Variants in GLMN observed in about 807,000 individuals in gnomAD.
The protein encoded by GLMN is glomulin, FKBP associated protein, also known as glomulin.
A neutral mutation model predicts 87.8 loss-of-function variants in GLMN; 75 were observed. That is an observed-to-expected ratio of 0.85 (90% CI 0.71 to 1.04). The LOEUF is 1.04. Ranked by LOEUF, GLMN falls within the 50% of genes least tolerant of loss-of-function variation. The pLI is 0.00. For synonymous variants in GLMN, 206 were observed against 221.6 expected, an observed-to-expected ratio of 0.93 and a Z score of 0.63; for missense variants, 588 against 658.8, an observed-to-expected ratio of 0.89 and a Z score of 1.18.
the GLMN span, chr1:92,324,303 G>C: frequency 6.2e-7 from 1 of 1,613,952 alleles, no homozygotes; most frequent in African/African-American, 1.3e-5. Context: ...AGTTAAATCT[G>C]AGGATCAGGG....
the GLMN span, among the ~76,000 whole-genome samples, chr1:92,317,955 A>G: frequency 3.9e-5 from 6 of 152,182 alleles, no homozygotes; most frequent in Non-Finnish European, 7.3e-5. Context: ...AGATCTTGAA[A>G]TAAGAGCTTC....
At chr1:92,257,247 A>G (rs988623998) in intron 16 of GLMN, among the ~76,000 whole-genome samples, 7 of 152,216 alleles carry the variant, frequency 4.6e-5, no homozygotes, top group Non-Finnish European at 1.0e-4. Context: ...CAAAGAAATA[A>G]GAGAGGACAC....
At position 92,297,389 on chromosome 1, in the gene GLMN, C is replaced by T; in HGVS notation, c.165+15G>A. The T allele has an allele frequency of 6.2e-7, 1 of 1,609,290 alleles. No individual in the cohort carries two copies. On this transcript the variant is annotated intron_variant, in intron 3 of 18. Coordinates refer to ENST00000370360, the MANE Select transcript of GLMN (RefSeq NM_053274.3). Reference sequence around the variant, plus strand: ...CTTCCCAAGACTGAAAAGTAAACACCAAGATTGTACGCACCTTATTCTTTT... The same window carrying T: ...CTTCCCAAGACTGAAAAGTAAACACTAAGATTGTACGCACCTTATTCTTTT...
At chr1:92,313,695 C>T in the GLMN span, among the ~76,000 whole-genome samples, 2 of 152,200 alleles carry the variant, frequency 1.3e-5, no homozygotes, top group East Asian at 1.9e-4. Context: ...TTTGATGCCA[C>T]ATATTTACTT....
chr1:92,294,558 A>G (rs1649805219), intron 3 of GLMN, among the ~76,000 whole-genome samples: 1 of 152,246 alleles, frequency 6.6e-6, no homozygotes, highest in Non-Finnish European at 1.5e-5. Flanking sequence ...ACAAAGCAGT[A>G]AATAGTAAAT....
At chr1:92,248,154 C>T in intron 16 of GLMN, 165 bp from the exon 17 acceptor site, 1 of 573,792 alleles carries the variant, frequency 1.7e-6, no homozygotes. Context: ...ATGTGAATAC[C>T]AATTAAAAGA....
chr1:92,324,071 G>A, the GLMN span: 1 of 1,614,060 alleles, frequency 6.2e-7, no homozygotes, highest in Admixed American at 1.7e-5. Flanking sequence ...GAAACATTGA[G>A]GTTTTTGTAT....
At chr1:92,334,207 A>G in the GLMN span, among the ~76,000 whole-genome samples, 7 of 152,236 alleles carry the variant, frequency 4.6e-5, 1 homozygote, top group African/African-American at 1.7e-4. Context: ...AACATTTCAC[A>G]TTAACCAAGG....
the GLMN span, among the ~76,000 whole-genome samples, chr1:92,366,558 A>G: frequency 6.6e-6 from 1 of 152,168 alleles, no homozygotes; most frequent in African/African-American, 2.4e-5. Flanking sequence ...CAGGGGCCAC[A>G]TGTGAGACAG....
the GLMN span, among the ~76,000 whole-genome samples, chr1:92,312,976 A>G: frequency 6.6e-6 from 1 of 151,916 alleles, no homozygotes; most frequent in African/African-American, 2.4e-5. Context: ...AGCGATTCTC[A>G]TGCCTCAGCC....
intron 6 of GLMN, among the ~76,000 whole-genome samples, chr1:92,288,465 G>A (rs1649029580): frequency 6.6e-6 from 1 of 152,202 alleles, no homozygotes; most frequent in South Asian, 2.1e-4. Flanking sequence ...GTCTTGCTCT[G>A]TTGCCCAGAC....
At chr1:92,353,218 A>ATAT in the GLMN span, among the ~76,000 whole-genome samples, 7 of 152,180 alleles carry the variant, frequency 4.6e-5, no homozygotes, top group East Asian at 1.9e-4. Context: ...CTAGGAGTAG[A>ATAT]ATTGCTGGGT....
chr1:92,294,836 G>A (rs536676503), intron 3 of GLMN, among the ~76,000 whole-genome samples: 8 of 152,164 alleles, frequency 5.3e-5, no homozygotes, highest in African/African-American at 1.9e-4. Flanking sequence ...GCACCATCAC[G>A]CCCAGCTAAT....
intron 3 of GLMN, among the ~76,000 whole-genome samples, chr1:92,292,649 T>G (rs2101048380): frequency 6.8e-6 from 1 of 147,054 alleles, no homozygotes; most frequent in African/African-American, 2.5e-5. Flanking sequence ...GGTCTCGATC[T>G]CCTGACCTCG....
chr1:92,363,511 A>G, the GLMN span, among the ~76,000 whole-genome samples: 1 of 152,206 alleles, frequency 6.6e-6, no homozygotes, highest in African/African-American at 2.4e-5. Context: ...TTCATTTTTC[A>G]GTGAAGTAGG....
chr1:92,254,616 A>T (rs948525187), intron 16 of GLMN, among the ~76,000 whole-genome samples: 2 of 152,014 alleles, frequency 1.3e-5, no homozygotes, highest in Non-Finnish European at 2.9e-5. Context: ...CCAATATCTT[A>T]AAAAAAAGAA....
In GLMN at chr1:92,249,221, G is replaced by C. The variant is rs548513515; in HGVS notation, c.1474-1232C>G. Among the ~76,000 whole-genome samples, 19 of 149,726 alleles carry C rather than the reference G, an allele frequency of 1.3e-4. No homozygotes were observed. In the East Asian group the frequency reaches 3.3e-3, roughly 26 times the overall value. On this transcript the variant is annotated intron_variant, in intron 16 of 18. Transcript: ENST00000370360. ...TACAGACGTATTAACCCAAAACCTA[G>C]AAGGGAATACAGTATATCAACAACG...
chr1:92,316,892 ATTC>A, the GLMN span, among the ~76,000 whole-genome samples: 1 of 152,226 alleles, frequency 6.6e-6, no homozygotes, highest in Non-Finnish European at 1.5e-5. Flanking sequence ...GTCAGGTACC[ATTC>A]TTTATAGATT....
chr1:92,257,004 C>T (rs1001783486), intron 16 of GLMN, among the ~76,000 whole-genome samples: 2 of 152,156 alleles, frequency 1.3e-5, no homozygotes, highest in Non-Finnish European at 2.9e-5. Context: ...ATTTAGAAAA[C>T]CCCATCATCC....
Sources: allele counts gnomAD v4.1 joint callset (sites outside exome capture counted in the v4.1 genomes callset), GRCh38; gene constraint gnomAD v4.1.1; transcripts MANE v1.5; gene names NCBI Gene and HGNC (gene_info 2026-07-23, HGNC 2026-07-21).